The following SPECC1L variants were observed in gnomAD, a reference collection of about 807,000 sequenced individuals.
SPECC1L encodes the protein sperm antigen with calponin homology and coiled-coil domains 1 like, also known as cytospin-A.
Under a neutral mutation model 116.8 loss-of-function variants are expected in SPECC1L, and 40 were observed. The observed-to-expected ratio is 0.34, with a 90% CI of 0.27 to 0.45. SPECC1L has a LOEUF of 0.45. Among genes scored for constraint, SPECC1L ranks in the 20% least tolerant of loss-of-function variants. The probability of loss-of-function intolerance (pLI) is 1.00; values close to 1 mark genes in which losing one functional copy is unlikely to be tolerated. For synonymous variants in SPECC1L, 504 were observed against 500.6 expected, an observed-to-expected ratio of 1.01 and a Z score of -0.09; for missense variants, 1,110 against 1,373.6, an observed-to-expected ratio of 0.81 and a Z score of 3.03.
intron 10 of SPECC1L, among the ~76,000 whole-genome samples, chr22:24,345,722 T>G (rs1344903063): frequency 1.3e-5 from 2 of 152,230 alleles, no homozygotes; most frequent in African/African-American, 4.8e-5. Flanking sequence ...CTATTCTATA[T>G]TCTTCCAAAT....
rs1442354282 is a variant in SPECC1L, at chr22:24,313,473, G to A, written c.307+7G>A. On this transcript the variant is annotated splice_region_variant and intron_variant, in intron 4 of 16. Coordinates refer to ENST00000314328, the MANE Select transcript of SPECC1L (RefSeq NM_015330.6). The stretch of plus-strand genomic sequence containing the variant: ...AAATCCAAGATTAGCACAGGTAACG[G>A]TGACATTCAGTCTGAGACTTCAACT... 2.5e-6 allele frequency: 4 copies of A among 1,613,720 alleles called. No homozygotes were observed. The highest frequency in any genetic ancestry group is 1.3e-5 in the African/African-American group (1 of 75,014).
intron 14 of SPECC1L, among the ~76,000 whole-genome samples, chr22:24,387,967 G>C (rs992448602): frequency 6.6e-6 from 1 of 152,168 alleles, no homozygotes; most frequent in African/African-American, 2.4e-5. Context: ...AACTGGTCAA[G>C]TTGTCACATT....
chr22:24,398,916 C>T (rs1184713297), intron 14 of SPECC1L, among the ~76,000 whole-genome samples: 3 of 152,316 alleles, frequency 2.0e-5, no homozygotes, highest in Non-Finnish European at 2.9e-5. Context: ...AGGATTTCCA[C>T]GAGGGTCTTT....
chr22:24,280,203 G>T (rs1021205106), intron 2 of SPECC1L, among the ~76,000 whole-genome samples: 1 of 152,130 alleles, frequency 6.6e-6, no homozygotes, highest in African/African-American at 2.4e-5. Flanking sequence ...TACATGTAGG[G>T]ACCGCATCTC....
intron 11 of SPECC1L, among the ~76,000 whole-genome samples, chr22:24,349,731 A>G (rs1956166712): frequency 6.6e-6 from 1 of 152,176 alleles, no homozygotes; most frequent in Non-Finnish European, 1.5e-5. Context: ...GTTGTTTAGG[A>G]AATCCCATTG....
At position 24,391,938 on chromosome 22, in the gene SPECC1L, G is replaced by A. The variant is rs568297625; in HGVS notation, c.3088-19650G>A. ...AGCTTTAAGATAATTGTCTCAGGAT[G>A]CATTTCCTTAGATAAAATGTGAAAT... is the stretch of plus-strand genomic sequence containing the variant. On this transcript the variant is annotated intron_variant, in intron 14 of 16. Transcript: ENST00000314328. Among the ~76,000 whole-genome samples, 60 of 152,344 alleles carry A rather than the reference G, an allele frequency of 3.9e-4. 3 individuals are homozygous for A. In the South Asian group the frequency reaches 0.012, roughly 29 times the overall value.
At chr22:24,280,040 C>G (rs1840448381) in intron 2 of SPECC1L, among the ~76,000 whole-genome samples, 1 of 152,172 alleles carries the variant, frequency 6.6e-6, no homozygotes, top group Admixed American at 6.5e-5. Context: ...ACATAGCAGA[C>G]AAGGGGACTG....
At position 24,321,994 on chromosome 22, in the gene SPECC1L, C is replaced by G. The variant is rs766903703; in HGVS notation, c.1014C>G (p.His338Gln). The G allele has an allele frequency of 6.2e-7, 1 of 1,614,188 alleles. No individual in the cohort carries two copies. Among genetic ancestry groups the G allele is most frequent in the Non-Finnish European group, 8.5e-7 (1 of 1,180,040 alleles). The part of the protein sequence containing the change: ...QDENTLMDHQ[H>Q]SNSMDNLDSE... ...AAAATACACTAATGGACCATCAGCA[C>G]AGTAACTCCATGGACAATTTAGACA... The change falls in exon 5 of 17, where the codon CAC (histidine) becomes CAG (glutamine). Residue 338 changes from histidine to glutamine, a missense_variant. By Grantham distance (24) the His-to-Gln change is conservative. Around this residue, in one of 4 missense-constraint regions of SPECC1L, gnomAD observed 437 missense variants for 482.6 expected, o/e 0.91. Coordinates refer to ENST00000314328, the MANE Select transcript of SPECC1L (RefSeq NM_015330.6).
rs62233999 is a variant in SPECC1L, at chr22:24,409,739, A to C, written c.3088-1849A>C. ...TATGGAATAAGGTGCCCCTTAAAAG[A>C]AAGTCAAGGCTGGGTACAGTGGCTC... On this transcript the variant is annotated intron_variant, in intron 14 of 16. Coordinates refer to ENST00000314328, the MANE Select transcript of SPECC1L (RefSeq NM_015330.6). Among the ~76,000 whole-genome samples, 1,126 of 152,360 alleles carry C rather than the reference A, an allele frequency of 7.4e-3. 6 individuals are homozygous for C. Among genetic ancestry groups the C allele is most frequent in the South Asian group, 0.013 (61 of 4,834 alleles).
intron 10 of SPECC1L, among the ~76,000 whole-genome samples, chr22:24,340,134 A>C (rs2041142962): frequency 6.8e-6 from 1 of 146,432 alleles, no homozygotes; most frequent in African/African-American, 2.6e-5. Context: ...CCACCAATTT[A>C]ATGACCTTTT....
intron 2 of SPECC1L, among the ~76,000 whole-genome samples, chr22:24,290,365 T>A (rs1042177376): frequency 6.6e-6 from 1 of 152,220 alleles, no homozygotes. Flanking sequence ...GGATGCCATC[T>A]TTCCTCATAA....
At chr22:24,394,273 A>G (rs572605363) in intron 14 of SPECC1L, among the ~76,000 whole-genome samples, 47 of 152,344 alleles carry the variant, frequency 3.1e-4, no homozygotes, top group Admixed American at 2.9e-3. Context: ...GTCTGAGATC[A>G]GGATGCCAGC....
rs972058538 is a variant in SPECC1L at position 24,415,828 on chromosome 22, C to T, written c.*1205C>T. The T allele has an allele frequency of 1.3e-5, 2 of 152,198 alleles. No individual in the cohort carries two copies. Among genetic ancestry groups the T allele is most frequent in the Non-Finnish European group, 2.9e-5 (2 of 68,036 alleles). 9.4% of individuals were successfully genotyped at this position (152,198 alleles called of 1,614,324 possible). A position where few individuals can be genotyped will look rare whatever the true frequency, so the allele number is the denominator to read the frequency against. On this transcript the variant is annotated 3_prime_UTR_variant, in exon 17 of 17. Transcript: ENST00000314328. ...AGGTGCTGGGTCCATGCTGTTTGAACCAAAGCCTTATTTAAAGGTGGTCAC... is the reference window on the plus strand; with the variant it reads ...AGGTGCTGGGTCCATGCTGTTTGAATCAAAGCCTTATTTAAAGGTGGTCAC...
At chr22:24,375,274 CT>C (rs1394591308) in intron 14 of SPECC1L, among the ~76,000 whole-genome samples, 1 of 152,156 alleles carries the variant, frequency 6.6e-6, no homozygotes, top group Non-Finnish European at 1.5e-5. Context: ...AGCAATACTT[CT>C]CAAACTCTTC....
chr22:24,283,468 G>A lies in SPECC1L; in HGVS notation c.-38+6665G>A, dbSNP rs140877408. On this transcript the variant is annotated intron_variant, in intron 2 of 16. Coordinates refer to ENST00000314328, the MANE Select transcript of SPECC1L (RefSeq NM_015330.6). ...ATATATTATCCTTTTTTTCTAGATT[G>A]TTAGACTCAATTTGCTAAAATTTTG... Among the ~76,000 whole-genome samples, 764 of 152,206 alleles carry A rather than the reference G, an allele frequency of 5.0e-3. 6 individuals are homozygous for A. Among genetic ancestry groups the A allele is most frequent in the Non-Finnish European group, 9.3e-3 (631 of 68,008 alleles).
At chr22:24,293,209 A>G (rs1403434878) in intron 2 of SPECC1L, among the ~76,000 whole-genome samples, 1 of 152,242 alleles carries the variant, frequency 6.6e-6, no homozygotes, top group East Asian at 1.9e-4. Flanking sequence ...TAATCTCAGC[A>G]CTTTGGGAGG....
chr22:24,358,606 A>G (rs556975402), intron 11 of SPECC1L, among the ~76,000 whole-genome samples: 1 of 152,180 alleles, frequency 6.6e-6, no homozygotes, highest in Admixed American at 6.5e-5. Context: ...CAGAGTTTGT[A>G]TACAAACTGT....
In SPECC1L at chr22:24,307,626, C is replaced by T. The variant is rs545205173; in HGVS notation, c.153+5242C>T. Among the ~76,000 whole-genome samples the T allele has an allele frequency of 7.1e-4, 107 of 151,704 alleles. 1 individual carries two copies. Among genetic ancestry groups the T allele is most frequent in the South Asian group, 5.4e-3 (26 of 4,786 alleles). ...GTGTGTGTGTGTGTGTATGTATGTA[C>T]GTACGTGTATGTGTATGTGTTTTTG... is the stretch of plus-strand genomic sequence containing the variant. On this transcript the variant is annotated intron_variant, in intron 3 of 16. Coordinates refer to ENST00000314328, the MANE Select transcript of SPECC1L (RefSeq NM_015330.6).
rs62233064 is a variant in SPECC1L at position 24,276,556 on chromosome 22, C to T, written c.-141-144C>T. On this transcript the variant is annotated intron_variant, in intron 1 of 16. Coordinates refer to ENST00000314328, the MANE Select transcript of SPECC1L (RefSeq NM_015330.6). Reference sequence around the variant, plus strand: ...GCTGAAGTGGGAGAATCTCTTGAGCCTAGGAGTTTGAGTTCAGCTTGGGCA... The same window carrying T: ...GCTGAAGTGGGAGAATCTCTTGAGCTTAGGAGTTTGAGTTCAGCTTGGGCA... 2,413 of 287,824 alleles carry T rather than the reference C, an allele frequency of 8.4e-3. 21 individuals carry two copies. Among genetic ancestry groups the T allele is most frequent in the South Asian group, 0.012 (401 of 33,810 alleles). The allele number at this position is 287,824 out of a possible 1,614,324, so 17.8% of individuals were successfully genotyped here.
Sources: gnomAD v4.1 joint callset for allele counts (sites outside exome capture counted in the v4.1 genomes callset) on GRCh38, gnomAD v4.1.1 for gene constraint, gnomAD v4.1.1 regional missense constraint, MANE v1.5 for transcripts, NCBI Gene and HGNC (gene_info 2026-07-23, HGNC 2026-07-21) for gene names.